Variants in KIF13A observed in about 807,000 individuals in gnomAD.
KIF13A encodes kinesin-like protein KIF13A.
A neutral mutation model predicts 212.2 loss-of-function variants in KIF13A; 79 were observed. The ratio of observed to expected loss-of-function variants is 0.37; its 90% CI spans 0.31 to 0.45. The LOEUF (loss-of-function observed/expected upper bound fraction) is 0.45, where lower values mean the gene tolerates loss of function less well. Among genes scored for constraint, KIF13A ranks in the 20% least tolerant of loss-of-function variants. The pLI, the probability that KIF13A is intolerant of heterozygous loss-of-function variation, is 1.00. For missense variants in KIF13A, 1,901 were observed against 2,209.0 expected, an observed-to-expected ratio of 0.86 and a Z score of 2.79; for synonymous variants, 789 against 808.6, an observed-to-expected ratio of 0.98 and a Z score of 0.41.
At chr6:17,890,113 G>A (rs1771908380) in intron 3 of KIF13A, among the ~76,000 whole-genome samples, 1 of 151,520 alleles carries the variant, frequency 6.6e-6, no homozygotes, top group South Asian at 2.1e-4. Context: ...GCTTGAACTT[G>A]GGAGGTGGAG....
At chr6:17,879,596 A>G (rs1232311436) in intron 3 of KIF13A, among the ~76,000 whole-genome samples, 1 of 152,226 alleles carries the variant, frequency 6.6e-6, no homozygotes, top group Non-Finnish European at 1.5e-5. Flanking sequence ...AAGCAAGGGC[A>G]TATCATGCAC....
intron 20 of KIF13A, among the ~76,000 whole-genome samples, chr6:17,802,078 G>T (rs1762512646): frequency 6.6e-6 from 1 of 152,102 alleles, no homozygotes; most frequent in Admixed American, 6.5e-5. Context: ...TGTGTACAAG[G>T]TGACACATGT....
rs1766691945 is a variant in KIF13A, at chr6:17,843,230, C to A, written c.831-5647G>T. Among the ~76,000 whole-genome samples the A allele has an allele frequency of 6.6e-6, 1 of 152,116 alleles. No homozygotes were observed. ...AATCTGAATCTAGATTCAGTGAAGA[C>A]CAAAACATGGACCTCTGTTTAAAAA... On this transcript the variant is annotated intron_variant, in intron 9 of 38. Transcript: ENST00000259711. The surrounding 1 kb of genome is among the most constrained non-coding windows in gnomAD (Gnocchi z 5.3).
chr6:17,772,467 CA>C lies in KIF13A; in HGVS notation c.4325-409del, dbSNP rs1186428939. ...AACAAACAACAAACAAAAAAACCCC[CA>C]AAAAACCATGGAACAGATGTAGGCA... is the stretch of plus-strand genomic sequence containing the variant. On this transcript the variant is annotated intron_variant, in intron 36 of 38. Transcript: ENST00000259711. This position sits in a 1 kb window ranked among gnomAD's most constrained non-coding sequence, Gnocchi z 4.8. 6.6e-6 allele frequency among the ~76,000 whole-genome samples: 1 copy of C among 152,060 alleles called. No homozygotes were observed. The highest frequency in any genetic ancestry group is 1.5e-5 in the Non-Finnish European group (1 of 68,014).
At position 17,783,634 on chromosome 6, in the gene KIF13A, G is replaced by T; in HGVS notation, c.3544+12C>A. The T allele has an allele frequency of 6.5e-7, 1 of 1,530,904 alleles. No homozygotes were observed. Among genetic ancestry groups the T allele is most frequent in the South Asian group, 1.2e-5 (1 of 84,856 alleles). The allele number at this position is 1,530,904 out of a possible 1,614,324, so 94.8% of individuals were successfully genotyped here. ...AATACAATAATCCCTGTGACTTTAA[G>T]TGTCTACTTACCATTCAAATCGAGG... On this transcript the variant is annotated intron_variant, in intron 29 of 38. Coordinates refer to ENST00000259711, the MANE Select transcript of KIF13A (RefSeq NM_022113.6). The surrounding 1 kb of genome is among the most constrained non-coding windows in gnomAD (Gnocchi z 4.3).
chr6:17,794,369 C>T lies in KIF13A; in HGVS notation c.3102G>A (p.Thr1034=), dbSNP rs369573182. 1.5e-5 allele frequency: 25 copies of T among 1,613,396 alleles called. No homozygotes were observed. The Middle Eastern group carries it at 6.6e-4, about 42-fold the overall frequency. ...RQGHSRRVQV[T]VKPVQHSGTL... is the part of the protein sequence containing the mutation. ...TCCCTGAATGCTGCACAGGTTTCAC[C>T]GTGACTTGTACTCTACGGGAATGAC... is the stretch of plus-strand genomic sequence containing the variant. The change falls in exon 25 of 39, where the codon ACG becomes ACA. Residue 1034 remains threonine, a synonymous_variant. Coordinates refer to ENST00000259711, the MANE Select transcript of KIF13A (RefSeq NM_022113.6). This position sits in a 1 kb window ranked among gnomAD's most constrained non-coding sequence, Gnocchi z 4.1.
intron 9 of KIF13A, among the ~76,000 whole-genome samples, chr6:17,848,674 T>C (rs1020915749): frequency 6.8e-6 from 1 of 146,958 alleles, no homozygotes; most frequent in Non-Finnish European, 1.5e-5. Flanking sequence ...CAAGTAATTC[T>C]CACCCCTTGG....
rs769312626 is a variant in KIF13A, at chr6:17,805,545, A to G, written c.2234T>C (p.Ile745Thr). The G allele has an allele frequency of 2.5e-6, 4 of 1,613,650 alleles. No homozygotes were observed. Among genetic ancestry groups the G allele is most frequent in the Admixed American group, 1.7e-5 (1 of 59,998 alleles). ...AATTAATTTATTCTCCAGCTTCTCA[A>G]TGGTCCACACTTGGGTGCTCTTTCC... is the stretch of plus-strand genomic sequence containing the variant. The part of the protein sequence containing the change: ...RKGKSTQVWT[I>T]EKLENKLIDM... The change falls in exon 19 of 39, where the codon ATT (isoleucine) becomes ACT (threonine). Residue 745 changes from isoleucine (I) to threonine (T), a missense_variant. By Grantham distance (89) the Ile-to-Thr change is moderately conservative (BLOSUM62 -1). Transcript: ENST00000259711.
rs375511285 is a variant in KIF13A at position 17,929,059 on chromosome 6, C to CAAAAAA, written c.147-30885_147-30880dup. 1.8e-3 allele frequency among the ~76,000 whole-genome samples: 67 copies of CAAAAAA among 36,638 alleles called. 1 individual carries two copies. The highest frequency in any genetic ancestry group is 4.8e-3 in the African/African-American group (63 of 13,192). The allele number at this position is 36,638 out of a possible 152,430, so 24.0% of individuals were successfully genotyped here. On this transcript the variant is annotated intron_variant, in intron 2 of 38. Coordinates refer to ENST00000259711, the MANE Select transcript of KIF13A (RefSeq NM_022113.6). ...AATAACTCAAAAGAAAAGAATTTCT[C>CAAAAAA]AAAAAAAAAAAAAAAAAAAAAAAAC... is the stretch of plus-strand genomic sequence containing the variant.
intron 2 of KIF13A, among the ~76,000 whole-genome samples, chr6:17,907,413 G>A (rs944658579): frequency 2.0e-5 from 3 of 152,214 alleles, no homozygotes; most frequent in Non-Finnish European, 4.4e-5. Flanking sequence ...AATCCATGTG[G>A]ATGTTCAATG....
Position 17,900,809 on chromosome 6 carries a change from T to C in KIF13A, c.147-2629A>G, listed in dbSNP as rs1403409116. 1.3e-5 allele frequency among the ~76,000 whole-genome samples: 2 copies of C among 152,162 alleles called. No homozygotes were observed. The highest frequency in any genetic ancestry group is 2.1e-4 in the South Asian group (1 of 4,836). Reference sequence around the variant, plus strand: ...AGCTCAGTCCAGGGGCCAGGCACAGTGGCTCACACCTGTAATCCCAGCACT... The same window carrying C: ...AGCTCAGTCCAGGGGCCAGGCACAGCGGCTCACACCTGTAATCCCAGCACT... On this transcript the variant is annotated intron_variant, in intron 2 of 38. Coordinates refer to ENST00000259711, the MANE Select transcript of KIF13A (RefSeq NM_022113.6). This position sits in a 1 kb window ranked among gnomAD's most constrained non-coding sequence, Gnocchi z 4.6.
In KIF13A at chr6:17,764,109, C is replaced by A. The variant is rs764157560; in HGVS notation, c.*1G>T. ...TGGGGTTGACATACAGTTAGACATA[C>A]TCATTGACAGCACAGAACCCAAAAG... On this transcript the variant is annotated 3_prime_UTR_variant, in exon 39 of 39. Transcript: ENST00000259711. This position sits in a 1 kb window ranked among gnomAD's most constrained non-coding sequence, Gnocchi z 5.1. 3.1e-6 allele frequency: 5 copies of A among 1,613,080 alleles called. No individual in the cohort carries two copies. In the South Asian group the frequency reaches 5.5e-5, roughly 18 times the overall value.
Position 17,837,662 on chromosome 6 carries a change from C to A in KIF13A, c.831-79G>T. On this transcript the variant is annotated intron_variant, in intron 9 of 38. Coordinates refer to ENST00000259711, the MANE Select transcript of KIF13A (RefSeq NM_022113.6). The surrounding 1 kb of genome is among the most constrained non-coding windows in gnomAD (Gnocchi z 5.4). ...ATAAAATATGCAGAACAATAAAGCTCCACAGTTAATACACGTTGGTGGCTC... is the reference window on the plus strand; with the variant it reads ...ATAAAATATGCAGAACAATAAAGCTACACAGTTAATACACGTTGGTGGCTC... 1 of 1,002,604 alleles carries A rather than the reference C, an allele frequency of 1.0e-6. No individual in the cohort carries two copies. The highest frequency in any genetic ancestry group is 1.5e-5 in the South Asian group (1 of 68,830). The allele number at this position is 1,002,604 out of a possible 1,614,324, so 62.1% of individuals were successfully genotyped here. A position where few individuals can be genotyped will look rare whatever the true frequency, so the allele number is the denominator to read the frequency against.
chr6:17,770,837 C>A, intron 38 of KIF13A: 2 of 730,592 alleles, frequency 2.7e-6, no homozygotes, highest in Non-Finnish European at 3.7e-6. Flanking sequence ...TTAAAAAGAT[C>A]TCTTTGTTAC....
Position 17,789,622 on chromosome 6 carries a change from C to T in KIF13A, c.3261+250G>A, listed in dbSNP as rs963451775. Among the ~76,000 whole-genome samples, 1 of 152,050 alleles carries T rather than the reference C, an allele frequency of 6.6e-6. No homozygotes were observed. On this transcript the variant is annotated intron_variant, in intron 26 of 38. Coordinates refer to ENST00000259711, the MANE Select transcript of KIF13A (RefSeq NM_022113.6). This position sits in a 1 kb window ranked among gnomAD's most constrained non-coding sequence, Gnocchi z 4.8. ...TTTTAATACAGTGATAATGGTCTTG[C>T]TTAGCAATAAGCCAGTAAATCGAGA...
At chr6:17,943,353 A>C (rs1039240319) in intron 2 of KIF13A, among the ~76,000 whole-genome samples, 1 of 151,922 alleles carries the variant, frequency 6.6e-6, no homozygotes, top group Non-Finnish European at 1.5e-5. Flanking sequence ...GTGATTCTCC[A>C]ATGTTAGTAA....
In KIF13A at chr6:17,885,679, T is replaced by C. The variant is rs868217275; in HGVS notation, c.160-12242A>G. Among the ~76,000 whole-genome samples the C allele has an allele frequency of 3.3e-5, 5 of 152,350 alleles. No individual in the cohort carries two copies. In the South Asian group the frequency reaches 6.2e-4, roughly 19 times the overall value. On this transcript the variant is annotated intron_variant, in intron 3 of 38. Transcript: ENST00000259711. ...TTCATGCTTTCATTCATTTAATGAA[T>C]AAATCTGAAAACAGGAAATCATCCT...
intron 2 of KIF13A, among the ~76,000 whole-genome samples, chr6:17,952,821 T>C (rs1364216922): frequency 6.6e-6 from 1 of 151,706 alleles, no homozygotes; most frequent in East Asian, 1.9e-4. Flanking sequence ...CCCCAGCTAC[T>C]CAGGAGGCTG....
At position 17,783,772 on chromosome 6, in the gene KIF13A, C is replaced by T; in HGVS notation, c.3489-71G>A. On this transcript the variant is annotated intron_variant, in intron 28 of 38. Transcript: ENST00000259711. This position sits in a 1 kb window ranked among gnomAD's most constrained non-coding sequence, Gnocchi z 4.3. ...CATCTTGTTAGCTGATAAAACACCA[C>T]AGAGCTGTGGAAGCAAAGAGAACCA... is the stretch of plus-strand genomic sequence containing the variant. 1 of 1,004,178 alleles carries T rather than the reference C, an allele frequency of 1.0e-6. No individual in the cohort carries two copies. Among genetic ancestry groups the T allele is most frequent in the Non-Finnish European group, 1.5e-6 (1 of 650,410 alleles). The allele number at this position is 1,004,178 out of a possible 1,614,324, so 62.2% of individuals were successfully genotyped here. A position where few individuals can be genotyped will look rare whatever the true frequency, so the allele number is the denominator to read the frequency against.
Sources: gnomAD v4.1 joint callset for allele counts (sites outside exome capture counted in the v4.1 genomes callset) on GRCh38, gnomAD v4.1.1 for gene constraint, Gnocchi (gnomAD v3.1) non-coding constraint, MANE v1.5 for transcripts, NCBI Gene and HGNC (gene_info 2026-07-23, HGNC 2026-07-21) for gene names.